The following HAUS6 variants were observed in gnomAD, a reference collection of about 807,000 sequenced individuals.
HAUS6 encodes HAUS augmin like complex subunit 6.
In HAUS6, 80 loss-of-function variants were observed where a neutral mutation model predicts 106.8. The observed-to-expected ratio is 0.75, with a 90% confidence interval of 0.63 to 0.90. HAUS6 has a LOEUF of 0.90. Ranked by LOEUF, HAUS6 falls within the 40% of genes least tolerant of loss-of-function variation. The probability of loss-of-function intolerance (pLI) is 0.00; values close to 1 mark genes in which losing one functional copy is unlikely to be tolerated. For synonymous variants in HAUS6, 356 were observed against 379.1 expected, an observed-to-expected ratio of 0.94 and a Z score of 0.71; for missense variants, 1,155 against 1,118.1, an observed-to-expected ratio of 1.03 and a Z score of -0.47.
At position 19,058,754 on chromosome 9, in the gene HAUS6, C is replaced by A. The variant is rs767602625; in HGVS notation, c.2013G>T (p.Leu671=). 128 of 1,614,016 alleles carry A rather than the reference C, an allele frequency of 7.9e-5. No individual in the cohort carries two copies. Among genetic ancestry groups the A allele is most frequent in the Non-Finnish European group, 1.1e-4 (127 of 1,180,028 alleles). ...DCECVPQKHV[L]TSHIDEPPTQ... The stretch of plus-strand genomic sequence containing the variant: ...TTGGTGGTTCATCTATGTGACTGGT[C>A]AGCACATGTTTCTGAGGCACACACT... The change falls in exon 16 of 17, where the codon CTG becomes CTT. Residue 671 remains leucine, a synonymous_variant. Coordinates refer to ENST00000380502, the MANE Select transcript of HAUS6 (RefSeq NM_017645.5).
chr9:19,076,546 G>T (rs770105842), intron 11 of HAUS6, 56 bp downstream of exon 11: 10 of 802,254 alleles, frequency 1.2e-5, no homozygotes, highest in Non-Finnish European at 2.1e-5. Context: ...TTATTATAAT[G>T]AAAAAGAATG....
chr9:19,078,246 C>G lies in HAUS6; in HGVS notation c.1121G>C (p.Gly374Ala), dbSNP rs1234633339. 6.4e-7 allele frequency: 1 copy of G among 1,554,166 alleles called. No homozygotes were observed. The highest frequency in any genetic ancestry group is 1.4e-5 in the African/African-American group (1 of 73,686). The stretch of plus-strand genomic sequence containing the variant: ...TTCTTTCCACTTTTTATGCCATTCT[C>G]CTTGCTTTTCAACAACAGAATGTCT... Reference protein sequence around the residue: ...TIRHSVVEKQGEWHKKWKEFL... With the variant: ...TIRHSVVEKQAEWHKKWKEFL... The change falls in exon 10 of 17, where the codon GGA becomes GCA. Residue 374 changes from glycine to alanine, a missense_variant. This residue lies in a region of HAUS6 where 761 missense variants were observed against 690.0 expected (regional missense o/e 1.10). Coordinates refer to ENST00000380502, the MANE Select transcript of HAUS6 (RefSeq NM_017645.5).
At chr9:19,082,434 GTT>G (rs11479229) in intron 8 of HAUS6, among the ~76,000 whole-genome samples, 23,304 of 152,142 alleles carry the variant, frequency 0.15, 2,246 homozygotes, top group African/African-American at 0.28. Context: ...CCTTATGAAA[GTT>G]TTACTAAACA....
At chr9:19,089,769 T>C in intron 4 of HAUS6, 1 of 537,408 alleles carries the variant, frequency 1.9e-6, no homozygotes, top group Non-Finnish European at 3.3e-6. Flanking sequence ...TAACATCACG[T>C]AACTAACAAC....
chr9:19,058,742 T>G lies in HAUS6; in HGVS notation c.2025A>C (p.Ile675=), dbSNP rs565164551. The G allele has an allele frequency of 6.2e-7, 1 of 1,614,188 alleles. No individual in the cohort carries two copies. The highest frequency in any genetic ancestry group is 2.2e-5 in the East Asian group (1 of 44,882). The change falls in exon 16 of 17, where the codon ATA becomes ATC. Residue 675 remains isoleucine (I), a synonymous_variant. Transcript: ENST00000380502. ...VPQKHVLTSH[I]DEPPTQNQSD... ...ACTGATTTTGTGTTGGTGGTTCATCTATGTGACTGGTCAGCACATGTTTCT... is the reference window on the plus strand; with the variant it reads ...ACTGATTTTGTGTTGGTGGTTCATCGATGTGACTGGTCAGCACATGTTTCT...
rs778095707 is a variant in HAUS6 at position 19,063,210 on chromosome 9, T to G, written c.1444-17A>C. ...CTTTGTGTCCTGAAGAAGACAGATATGTAATGTTAAACCCTTAATAATCAT... is the reference window on the plus strand; with the variant it reads ...CTTTGTGTCCTGAAGAAGACAGATAGGTAATGTTAAACCCTTAATAATCAT... On this transcript the variant is annotated splice_polypyrimidine_tract_variant and intron_variant, in intron 13 of 16. Coordinates refer to ENST00000380502, the MANE Select transcript of HAUS6 (RefSeq NM_017645.5). The G allele has an allele frequency of 3.3e-6, 5 of 1,537,908 alleles. No homozygotes were observed. In the Admixed American group the frequency reaches 7.3e-5, roughly 22 times the overall value.
At chr9:19,075,621 T>C (rs1836980524) in intron 11 of HAUS6, among the ~76,000 whole-genome samples, 1 of 152,080 alleles carries the variant, frequency 6.6e-6, no homozygotes, top group African/African-American at 2.4e-5. Flanking sequence ...ACTTCATTTA[T>C]ATGAAATATC....
intron 12 of HAUS6, 80 bp from the exon 13 acceptor site, chr9:19,063,660 G>A (rs980308798): frequency 2.1e-6 from 2 of 947,998 alleles, no homozygotes; most frequent in Non-Finnish European, 1.7e-6. Flanking sequence ...TCTAAAATCT[G>A]TCTGCCCCGT....
chr9:19,097,932 G>A (rs889113716), intron 1 of HAUS6, among the ~76,000 whole-genome samples: 11 of 152,126 alleles, frequency 7.2e-5, no homozygotes, highest in Admixed American at 1.3e-4. Flanking sequence ...ATTCTCTTGC[G>A]TAAGTTCCTA....
chr9:19,096,050 T>C (rs959337571), intron 2 of HAUS6, among the ~76,000 whole-genome samples: 32 of 152,206 alleles, frequency 2.1e-4, no homozygotes, highest in African/African-American at 7.5e-4. Context: ...TTGATATCAT[T>C]TAATTGTTTT....
chr9:19,094,613 G>A (rs983697812), intron 2 of HAUS6, among the ~76,000 whole-genome samples: 1 of 152,098 alleles, frequency 6.6e-6, no homozygotes, highest in Non-Finnish European at 1.5e-5. Context: ...CCAACATGGA[G>A]AAATCCCGTC....
intron 3 of HAUS6, among the ~76,000 whole-genome samples, chr9:19,093,862 C>G (rs969013284): frequency 2.6e-5 from 4 of 151,902 alleles, no homozygotes; most frequent in African/African-American, 9.7e-5. Context: ...GAAGAAGACT[C>G]TGTCTCAAAA....
At chr9:19,101,291 C>T (rs994254088) in intron 1 of HAUS6, among the ~76,000 whole-genome samples, 1 of 152,098 alleles carries the variant, frequency 6.6e-6, no homozygotes, top group Non-Finnish European at 1.5e-5. Context: ...GTGGCCAAGG[C>T]GGGGGGATTG....
intron 12 of HAUS6, among the ~76,000 whole-genome samples, chr9:19,068,658 C>A (rs1454429430): frequency 1.3e-5 from 2 of 150,682 alleles, no homozygotes; most frequent in African/African-American, 4.9e-5. Context: ...TTCATCTGTC[C>A]CTCATCTACT....
intron 4 of HAUS6, among the ~76,000 whole-genome samples, chr9:19,091,468 CAT>C (rs1485975651): frequency 7.2e-5 from 11 of 152,156 alleles, no homozygotes; most frequent in Non-Finnish European, 1.3e-4. Context: ...TCCAAACACA[CAT>C]ATTTTATATA....
intron 1 of HAUS6, among the ~76,000 whole-genome samples, chr9:19,097,466 A>C (rs1817888666): frequency 6.6e-6 from 1 of 152,160 alleles, no homozygotes; most frequent in African/African-American, 2.4e-5. Flanking sequence ...TCTCAAAAGA[A>C]GACATTTATG....
rs1836466909 is a variant in HAUS6 at position 19,056,289 on chromosome 9, C to G, written c.*54G>C. On this transcript the variant is annotated 3_prime_UTR_variant, in exon 17 of 17. Coordinates refer to ENST00000380502, the MANE Select transcript of HAUS6 (RefSeq NM_017645.5). ...TTTAAGTTGTAATTCATTTTCTATC[C>G]TGTGGCATAGCTTCAATTTAAGTGC... 1.1e-4 allele frequency: 98 copies of G among 855,200 alleles called. 2 individuals are homozygous for G. The South Asian group carries it at 1.3e-3, about 11-fold the overall frequency. The allele number at this position is 855,200 out of a possible 1,614,324, so 53.0% of individuals were successfully genotyped here.
At chr9:19,079,081 T>C (rs1837075946) in intron 9 of HAUS6, among the ~76,000 whole-genome samples, 1 of 149,562 alleles carries the variant, frequency 6.7e-6, no homozygotes, top group Non-Finnish European at 1.5e-5. Context: ...GGAGAATCAC[T>C]TGAAATCAGG....
chr9:19,082,769 C>A (rs1837187471), intron 8 of HAUS6, 104 bp downstream of exon 8: 6 of 650,390 alleles, frequency 9.2e-6, no homozygotes, highest in South Asian at 3.7e-5. Context: ...AAACAAAAAA[C>A]AAAAAACAAA....
Sources: allele counts gnomAD v4.1 joint callset (sites outside exome capture counted in the v4.1 genomes callset), GRCh38; gene constraint gnomAD v4.1.1; regional missense constraint gnomAD v4.1.1; transcripts MANE v1.5; gene names NCBI Gene and HGNC (gene_info 2026-07-23, HGNC 2026-07-21).